The following PSKH1 variants were observed in gnomAD, a reference collection of about 807,000 sequenced individuals.
PSKH1 encodes serine/threonine-protein kinase H1.
Under a neutral mutation model 26.7 loss-of-function variants are expected in PSKH1, and 12 were observed. That is an observed-to-expected ratio of 0.45 (90% confidence interval 0.29 to 0.73). The LOEUF is 0.73. Among genes scored for constraint, PSKH1 ranks in the 30% least tolerant of loss-of-function variants. The pLI, the probability that PSKH1 is intolerant of heterozygous loss-of-function variation, is 0.11. For missense variants in PSKH1, 431 were observed against 595.2 expected (o/e 0.72, Z 2.87); for synonymous variants, 213 against 234.3 (o/e 0.91, Z 0.83).
At position 67,919,246 on chromosome 16, in the gene PSKH1, T is replaced by A. The variant is rs147696984; in HGVS notation, c.958-8079T>A. ...CCTGGATGCTTTAATTGCCTGACTTTTCTCACCTTCAGTGTGGGTGGGGAC... is the reference window on the plus strand; with the variant it reads ...CCTGGATGCTTTAATTGCCTGACTTATCTCACCTTCAGTGTGGGTGGGGAC... On this transcript the variant is annotated intron_variant, in intron 2 of 2. Transcript: ENST00000291041. Among the ~76,000 whole-genome samples, 865 of 152,318 alleles carry A rather than the reference T, an allele frequency of 5.7e-3. 27 individuals are homozygous for A. Among genetic ancestry groups the A allele is most frequent in the Admixed American group, 0.047 (717 of 15,300 alleles).
chr16:67,907,141 T>A (rs2151311888), intron 1 of PSKH1, among the ~76,000 whole-genome samples: 1 of 151,556 alleles, frequency 6.6e-6, no homozygotes, highest in South Asian at 2.1e-4. Flanking sequence ...TTTTTTGTAT[T>A]TTTAGTAGAG....
Position 67,909,377 on chromosome 16 carries a change from C to T in PSKH1, c.628C>T (p.His210Tyr). 1 of 1,613,948 alleles carries T rather than the reference C, an allele frequency of 6.2e-7. No individual in the cohort carries two copies. The highest frequency in any genetic ancestry group is 8.5e-7 in the Non-Finnish European group (1 of 1,180,008). ...QMVLDGVRYL[H>Y]ALGITHRDLK... ...GGTGCTGGATGGCGTCCGGTATCTG[C>T]ATGCACTGGGCATCACACACCGAGA... is the stretch of plus-strand genomic sequence containing the variant. Residue 210 changes from histidine to tyrosine, a missense_variant, in exon 2 of 3, where the codon CAT becomes TAT. Coordinates refer to ENST00000291041, the MANE Select transcript of PSKH1 (RefSeq NM_006742.3). This position sits in a 1 kb window ranked among gnomAD's most constrained non-coding sequence, Gnocchi z 7.8.
At chr16:67,916,717 A>T (rs1426954571) in intron 2 of PSKH1, among the ~76,000 whole-genome samples, 1 of 152,022 alleles carries the variant, frequency 6.6e-6, no homozygotes, top group Non-Finnish European at 1.5e-5. Flanking sequence ...CCTCCTGGGG[A>T]TGTTTGGGGC....
Position 67,901,630 on chromosome 16 carries a change from G to A in PSKH1, c.-70-7050G>A, listed in dbSNP as rs1156443290. On this transcript the variant is annotated intron_variant, in intron 1 of 2. Coordinates refer to ENST00000291041, the MANE Select transcript of PSKH1 (RefSeq NM_006742.3). ...TTACAGGCGTGAGCCACCATGCCCA[G>A]CCTATTTTTTTTTTTTTTTTTGGAG... is the stretch of plus-strand genomic sequence containing the variant. 2.9e-5 allele frequency among the ~76,000 whole-genome samples: 4 copies of A among 138,090 alleles called. No individual in the cohort carries two copies. In the East Asian group the frequency reaches 6.1e-4, roughly 21 times the overall value. 90.6% of individuals were successfully genotyped at this position (138,090 alleles called of 152,430 possible). A position where few individuals can be genotyped will look rare whatever the true frequency, so the allele number is the denominator to read the frequency against.
intron 2 of PSKH1, among the ~76,000 whole-genome samples, chr16:67,910,892 A>T (rs751678492): frequency 6.6e-6 from 1 of 152,270 alleles, no homozygotes; most frequent in Non-Finnish European, 1.5e-5. Context: ...TGCAGGTCAC[A>T]TTCAACCGCC....
chr16:67,900,632 C>T (rs919693749), intron 1 of PSKH1, among the ~76,000 whole-genome samples: 7 of 152,242 alleles, frequency 4.6e-5, no homozygotes, highest in East Asian at 1.9e-4. Flanking sequence ...TGGCTTTGGA[C>T]GAGTCTCTTT....
chr16:67,909,090 G>T lies in PSKH1; in HGVS notation c.341G>T (p.Arg114Leu). ...IGRGSFSRVV[R>L]VEHRATRQPY... ...CGAGGCAGCTTCAGCCGAGTGGTAC[G>T]TGTAGAGCACCGGGCAACCCGGCAG... Residue 114 changes from arginine to leucine, a missense_variant, in exon 2 of 3, where the codon CGT becomes CTT. Coordinates refer to ENST00000291041, the MANE Select transcript of PSKH1 (RefSeq NM_006742.3). The surrounding 1 kb of genome is among the most constrained non-coding windows in gnomAD (Gnocchi z 7.8). The T allele has an allele frequency of 6.2e-7, 1 of 1,614,200 alleles. No individual in the cohort carries two copies. The highest frequency in any genetic ancestry group is 8.5e-7 in the Non-Finnish European group (1 of 1,180,034).
intron 2 of PSKH1, among the ~76,000 whole-genome samples, chr16:67,916,951 C>T (rs2058189532): frequency 1.3e-5 from 2 of 152,178 alleles, no homozygotes; most frequent in South Asian, 4.1e-4. Context: ...GCCCTAGACC[C>T]CACCCCACTC....
intron 2 of PSKH1, among the ~76,000 whole-genome samples, chr16:67,921,596 CAAA>C: frequency 6.6e-6 from 1 of 151,448 alleles, no homozygotes; most frequent in Middle Eastern, 3.4e-3. Context: ...AAAAAAAAAA[CAAA>C]AACAAAAATC....
rs1241734475 is a variant in PSKH1 at position 67,903,840 on chromosome 16, C to CT, written c.-70-4820dup. Among the ~76,000 whole-genome samples the CT allele has an allele frequency of 9.9e-3, 1,238 of 125,306 alleles. 15 individuals are homozygous for CT. Among genetic ancestry groups the CT allele is most frequent in the East Asian group, 0.049 (204 of 4,170 alleles). 82.2% of individuals were successfully genotyped at this position (125,306 alleles called of 152,430 possible). ...ACTCCACTGCTTGGGGCACTACACT[C>CT]TTTTTTTTTTTTTTTTTTTTCCTTT... On this transcript the variant is annotated intron_variant, in intron 1 of 2. Transcript: ENST00000291041.
chr16:67,909,839 A>C lies in PSKH1; in HGVS notation c.957+133A>C. The C allele has an allele frequency of 1.3e-6, 1 of 790,968 alleles. No homozygotes were observed. 49.0% of individuals were successfully genotyped at this position (790,968 alleles called of 1,614,324 possible). ...GCCAGGCAGGTCATATAAAAGGGAC[A>C]AAGTGAGACTATCAGAATGTAGTTT... On this transcript the variant is annotated intron_variant, in intron 2 of 2. Transcript: ENST00000291041. The surrounding 1 kb of genome is among the most constrained non-coding windows in gnomAD (Gnocchi z 7.8).
In PSKH1 at chr16:67,909,593, G is replaced by A. The variant is rs2058167404; in HGVS notation, c.844G>A (p.Ala282Thr). The A allele has an allele frequency of 6.2e-7, 1 of 1,614,046 alleles. No homozygotes were observed. The highest frequency in any genetic ancestry group is 8.5e-7 in the Non-Finnish European group (1 of 1,180,038). The change falls in exon 2 of 3, where the codon GCG (alanine) becomes ACG (threonine). Residue 282 changes from alanine (A) to threonine (T), a missense_variant. Coordinates refer to ENST00000291041, the MANE Select transcript of PSKH1 (RefSeq NM_006742.3). The surrounding 1 kb of genome is among the most constrained non-coding windows in gnomAD (Gnocchi z 7.8). ...ATACACCAACTCAGTGGACATGTGG[G>A]CGCTGGGCGTCATTGCCTACATCCT... is the stretch of plus-strand genomic sequence containing the variant. Reference protein sequence around the residue: ...KPYTNSVDMWALGVIAYILLS... With the variant: ...KPYTNSVDMWTLGVIAYILLS...
Position 67,927,234 on chromosome 16 carries a change from G to A in PSKH1, c.958-91G>A, listed in dbSNP as rs2058219700. 6.8e-6 allele frequency: 9 copies of A among 1,324,028 alleles called. 1 individual carries two copies. In the East Asian group the frequency reaches 2.1e-4, roughly 31 times the overall value. 82.0% of individuals were successfully genotyped at this position (1,324,028 alleles called of 1,614,324 possible). A position where few individuals can be genotyped will look rare whatever the true frequency, so the allele number is the denominator to read the frequency against. On this transcript the variant is annotated intron_variant, in intron 2 of 2. Transcript: ENST00000291041. The surrounding 1 kb of genome is among the most constrained non-coding windows in gnomAD (Gnocchi z 5.5). ...GAGAGGAGGGGCAGCACCTCTCTCTGGAAAGGGGAGGGTTGCTGAGTAGTG... is the reference window on the plus strand; with the variant it reads ...GAGAGGAGGGGCAGCACCTCTCTCTAGAAAGGGGAGGGTTGCTGAGTAGTG...
intron 2 of PSKH1, among the ~76,000 whole-genome samples, chr16:67,926,751 G>A (rs890120194): frequency 2.6e-5 from 4 of 151,908 alleles, no homozygotes; most frequent in Non-Finnish European, 5.9e-5. Flanking sequence ...TCCTGGTCCC[G>A]GGATCGCCTG....
At chr16:67,896,663 C>T (rs2058127470) in intron 1 of PSKH1, among the ~76,000 whole-genome samples, 1 of 151,682 alleles carries the variant, frequency 6.6e-6, no homozygotes, top group African/African-American at 2.4e-5. Flanking sequence ...CTGCCTCAGC[C>T]TCCCGCAATA....
Position 67,909,436 on chromosome 16 carries a change from G to A in PSKH1, c.687G>A (p.Pro229=), listed in dbSNP as rs149085628. 478 of 1,613,126 alleles carry A rather than the reference G, an allele frequency of 3.0e-4. 3 individuals are homozygous for A. The highest frequency in any genetic ancestry group is 2.5e-3 in the South Asian group (232 of 91,032). ...LKPENLLYYH[P]GTDSKIIITD... ...CTGAGAATCTGCTCTACTACCATCC[G>A]GGCACTGACTCCAAGATCATCATCA... Residue 229 remains proline (P), a synonymous_variant, in exon 2 of 3, where the codon CCG becomes CCA. Coordinates refer to ENST00000291041, the MANE Select transcript of PSKH1 (RefSeq NM_006742.3). This position sits in a 1 kb window ranked among gnomAD's most constrained non-coding sequence, Gnocchi z 7.8.
chr16:67,919,431 C>T (rs1478061227), intron 2 of PSKH1, among the ~76,000 whole-genome samples: 3 of 152,238 alleles, frequency 2.0e-5, no homozygotes, highest in Non-Finnish European at 2.9e-5. Context: ...CCCTTCTTCC[C>T]TGCCAGCCTG....
At chr16:67,923,273 C>G in intron 2 of PSKH1, among the ~76,000 whole-genome samples, 1 of 152,268 alleles carries the variant, frequency 6.6e-6, no homozygotes, top group East Asian at 1.9e-4. Flanking sequence ...ACATCAGGAG[C>G]AGGTACCCTA....
At chr16:67,926,292 C>T (rs1439921699) in intron 2 of PSKH1, among the ~76,000 whole-genome samples, 1 of 152,226 alleles carries the variant, frequency 6.6e-6, no homozygotes, top group Non-Finnish European at 1.5e-5. Context: ...ACCCATCCGG[C>T]AGCACCGTGG....
Sources: gnomAD v4.1 joint callset for allele counts (sites outside exome capture counted in the v4.1 genomes callset) on GRCh38, gnomAD v4.1.1 for gene constraint, Gnocchi (gnomAD v3.1) non-coding constraint, MANE v1.5 for transcripts, NCBI Gene and HGNC (gene_info 2026-07-23, HGNC 2026-07-21) for gene names.